The following PSMD2 variants were observed in gnomAD, a reference collection of about 807,000 sequenced individuals.
The protein encoded by PSMD2 is 26S proteasome non-ATPase regulatory subunit 2.
PSMD2 carries 8 observed loss-of-function variants against 101.5 expected under a neutral mutation model. That is an observed-to-expected ratio of 0.08 (90% CI 0.05 to 0.14). The LOEUF (loss-of-function observed/expected upper bound fraction) is 0.14. PSMD2 is among the 10% of genes least tolerant of loss of function. The pLI is 1.00. For synonymous variants in PSMD2, 418 were observed against 433.8 expected (o/e 0.96, Z 0.45); for missense variants, 784 against 1,147.4 (o/e 0.68, Z 4.58).
rs1312576356 is a variant in PSMD2, at chr3:184,306,394, A to G, written c.1849A>G (p.Ser617Gly). The G allele has an allele frequency of 6.2e-7, 1 of 1,614,166 alleles. No individual in the cohort carries two copies. Residue 617 changes from serine (S) to glycine (G), a missense_variant, in exon 15 of 21, where the codon AGC (serine) becomes GGC (glycine). Around this residue, in one of 6 missense-constraint regions of PSMD2, gnomAD observed 282 missense variants for 437.6 expected, o/e 0.64. Coordinates refer to ENST00000310118, the MANE Select transcript of PSMD2 (RefSeq NM_002808.5). ...GGTGCAGCAGCTGCTCCACATTTGT[A>G]GCGAACACTTTGACTCCAAAGAGAA... ...LKVQQLLHIC[S>G]EHFDSKEKEE... is the part of the protein sequence containing the mutation.
chr3:184,307,675 C>T lies in PSMD2; in HGVS notation c.2265C>T (p.Asp755=), dbSNP rs1420812977. 10 of 1,614,132 alleles carry T rather than the reference C, an allele frequency of 6.2e-6. No individual in the cohort carries two copies. Among genetic ancestry groups the T allele is most frequent in the Admixed American group, 3.3e-5 (2 of 60,010 alleles). Residue 755 remains aspartate (D), a synonymous_variant, in exon 18 of 21, where the codon GAC becomes GAT. Transcript: ENST00000310118. ...LRQLAQYHAK[D]PNNLFMVRLA... Reference sequence around the variant, plus strand: ...AGTTAGCTCAATATCATGCCAAGGACCCAAACAACCTCTTCATGGTGCGCT... The same window carrying T: ...AGTTAGCTCAATATCATGCCAAGGATCCAAACAACCTCTTCATGGTGCGCT...
intron 3 of PSMD2, among the ~76,000 whole-genome samples, chr3:184,301,230 G>A (rs1721633745): frequency 6.6e-6 from 1 of 151,736 alleles, no homozygotes; most frequent in Non-Finnish European, 1.5e-5. Flanking sequence ...CAGCTACTTA[G>A]GAAGCTGAGG....
intron 17 of PSMD2, 21 bp from the exon 18 acceptor site, chr3:184,307,593 T>C (rs949219758): frequency 1.2e-6 from 2 of 1,614,170 alleles, no homozygotes; most frequent in African/African-American, 1.3e-5. Flanking sequence ...TTTTCACTTC[T>C]GTAATGCTTA....
intron 8 of PSMD2, 30 bp from the exon 9 acceptor site, chr3:184,303,290 T>C (rs1476698079): frequency 5.6e-6 from 9 of 1,602,068 alleles, no homozygotes; most frequent in Non-Finnish European, 6.8e-6. Context: ...AAACCTTCTT[T>C]CCTTACTTTT....
intron 14 of PSMD2, 55 bp from the exon 15 acceptor site, chr3:184,306,295 C>T (rs1197917485): frequency 6.3e-7 from 1 of 1,598,938 alleles, no homozygotes; most frequent in Non-Finnish European, 8.5e-7. Context: ...TTTTCCAAAG[C>T]TTTTCCTTGG....
intron 3 of PSMD2, 142 bp from the exon 4 acceptor site, chr3:184,301,395 C>A: frequency 9.0e-7 from 1 of 1,109,368 alleles, no homozygotes; most frequent in Non-Finnish European, 1.3e-6. Context: ...TGAGGTTTAG[C>A]TTACATAACA....
At chr3:184,303,810 G>T (rs1721732260) in intron 10 of PSMD2, 61 bp downstream of exon 10, 1 of 1,602,904 alleles carries the variant, frequency 6.2e-7, no homozygotes, top group Non-Finnish European at 8.5e-7. Flanking sequence ...GTGCCTAGCA[G>T]TGCCTCTCTT....
At position 184,303,310 on chromosome 3, in the gene PSMD2, C is replaced by G. The variant is rs1432873433; in HGVS notation, c.1070-10C>G. 6.2e-7 allele frequency: 1 copy of G among 1,608,680 alleles called. No homozygotes were observed. The highest frequency in any genetic ancestry group is 1.1e-5 in the South Asian group (1 of 90,276). On this transcript the variant is annotated splice_polypyrimidine_tract_variant and intron_variant, in intron 8 of 20. Transcript: ENST00000310118. ...TTCTTTCCTTACTTTTCCTCTCCCT[C>G]CTGTTGCAGGGTTTGGGGGCAGTGG...
chr3:184,304,431 G>C lies in PSMD2; in HGVS notation c.1539+40G>C. 1 of 1,571,954 alleles carries C rather than the reference G, an allele frequency of 6.4e-7. No individual in the cohort carries two copies. The highest frequency in any genetic ancestry group is 8.8e-7 in the Non-Finnish European group (1 of 1,141,804). On this transcript the variant is annotated intron_variant, in intron 12 of 20. Transcript: ENST00000310118. This position sits in a 1 kb window ranked among gnomAD's most constrained non-coding sequence, Gnocchi z 4.1. ...TTGAGCATTTAGAGTAAGTAGGGAA[G>C]GTGCTTTGAGTCTTACTTTCTGTGA...
At chr3:184,302,157 A>T in intron 5 of PSMD2, 86 bp downstream of exon 5, 5 of 1,431,774 alleles carry the variant, frequency 3.5e-6, no homozygotes, top group Non-Finnish European at 4.9e-6. Context: ...TTCCCAGAGC[A>T]TTTGCTCAAG....
intron 8 of PSMD2, 84 bp from the exon 9 acceptor site, chr3:184,303,236 C>T (rs1174783005): frequency 4.5e-6 from 7 of 1,548,728 alleles, no homozygotes; most frequent in South Asian, 2.3e-5. Flanking sequence ...TAGCTCAGAA[C>T]CAGAGACCAG....
At chr3:184,306,952 C>CTTTCTTTTTTCT (rs1052745934) in intron 16 of PSMD2, 118 bp downstream of exon 16, 9 of 835,928 alleles carry the variant, frequency 1.1e-5, no homozygotes, top group Admixed American at 5.5e-5. Context: ...TGTGCCTTTT[C>CTTTCTTTTTTCT]TTTCTTTTTT....
intron 16 of PSMD2, 81 bp from the exon 17 acceptor site, chr3:184,307,276 T>C: frequency 6.7e-7 from 1 of 1,488,920 alleles, no homozygotes; most frequent in Non-Finnish European, 9.3e-7. Flanking sequence ...TAAGGCCCCC[T>C]TTTACCCATC....
rs200282007 is a variant in PSMD2, at chr3:184,307,877, CTG to C, written c.2299-11_2299-10del. On this transcript the variant is annotated splice_polypyrimidine_tract_variant and intron_variant, in intron 18 of 20. Coordinates refer to ENST00000310118, the MANE Select transcript of PSMD2 (RefSeq NM_002808.5). Reference sequence around the variant, plus strand: ...GGTAACTCCTCACCTCTACTTCCCTCTGTTTTTTTCAGGGCCTGACACATTTA... The same window carrying C: ...GGTAACTCCTCACCTCTACTTCCCTCTTTTTTTCAGGGCCTGACACATTTA... 191 of 1,614,090 alleles carry C rather than the reference CTG, an allele frequency of 1.2e-4. No individual in the cohort carries two copies. The East Asian group carries it at 4.2e-3, about 35-fold the overall frequency.
chr3:184,301,435 GTAGT>G, intron 3 of PSMD2, 98 bp from the exon 4 acceptor site: 3 of 1,404,366 alleles, frequency 2.1e-6, no homozygotes, highest in Non-Finnish European at 3.0e-6. Context: ...AGATTGGTAT[GTAGT>G]TAGTTCAGTT....
chr3:184,306,059 G>A lies in PSMD2; in HGVS notation c.1708G>A (p.Gly570Ser). 1 of 1,614,218 alleles carries A rather than the reference G, an allele frequency of 6.2e-7. No homozygotes were observed. The highest frequency in any genetic ancestry group is 8.5e-7 in the Non-Finnish European group (1 of 1,180,050). The change falls in exon 14 of 21, where the codon GGT becomes AGT. Residue 570 changes from glycine (G) to serine (S), a missense_variant. Physicochemically the swap from Gly to Ser is moderately conservative, Grantham distance 56. Around this residue, in one of 6 missense-constraint regions of PSMD2, gnomAD observed 282 missense variants for 437.6 expected, o/e 0.64. Coordinates refer to ENST00000310118, the MANE Select transcript of PSMD2 (RefSeq NM_002808.5). ...CCCTTGAATCTGTCCTGTAGGGAAGGGTGAGGCCATCGAGGCAATCCTGGC... is the reference window on the plus strand; with the variant it reads ...CCCTTGAATCTGTCCTGTAGGGAAGAGTGAGGCCATCGAGGCAATCCTGGC... ...LGLGLNHLGK[G>S]EAIEAILAAL...
intron 3 of PSMD2, 99 bp downstream of exon 3, chr3:184,300,543 C>T: frequency 1.3e-6 from 2 of 1,496,654 alleles, no homozygotes; most frequent in Admixed American, 2.4e-5. Context: ...CCTGATAGAC[C>T]TAAGCCGTGA....
At chr3:184,302,239 A>G (rs1721670887) in intron 5 of PSMD2, 131 bp from the exon 6 acceptor site, 2 of 1,171,312 alleles carry the variant, frequency 1.7e-6, no homozygotes, top group Non-Finnish European at 2.4e-6. Context: ...GTGTCTTCTT[A>G]GTAGTTCTAA....
In PSMD2 at chr3:184,308,331, T is replaced by G; in HGVS notation, c.2426-118T>G. The G allele has an allele frequency of 1.1e-6, 1 of 870,738 alleles. No individual in the cohort carries two copies. Among genetic ancestry groups the G allele is most frequent in the Admixed American group, 2.3e-5 (1 of 43,374 alleles). The allele number at this position is 870,738 out of a possible 1,614,324, so 53.9% of individuals were successfully genotyped here. A position where few individuals can be genotyped will look rare whatever the true frequency, so the allele number is the denominator to read the frequency against. ...GTAGTAGGGTGTATGAGGGGAGGAG[T>G]GTGGATTCAGTCGTATGACTGACGG... On this transcript the variant is annotated intron_variant, in intron 19 of 20. Transcript: ENST00000310118. This position sits in a 1 kb window ranked among gnomAD's most constrained non-coding sequence, Gnocchi z 6.0.
Sources: allele counts gnomAD v4.1 joint callset (sites outside exome capture counted in the v4.1 genomes callset), GRCh38; gene constraint gnomAD v4.1.1; regional missense constraint gnomAD v4.1.1; non-coding constraint Gnocchi (gnomAD v3.1); transcripts MANE v1.5; gene names NCBI Gene and HGNC (gene_info 2026-07-23, HGNC 2026-07-21).